The following DCDC2 variants were observed in gnomAD, a reference collection of about 807,000 sequenced individuals.
DCDC2 encodes the protein doublecortin domain containing 2.
A neutral mutation model predicts 50.2 loss-of-function variants in DCDC2; 40 were observed. That is an observed-to-expected ratio of 0.80 (90% CI 0.62 to 1.04). The LOEUF (loss-of-function observed/expected upper bound fraction) is 1.04, where lower values mean the gene tolerates loss of function less well. DCDC2 is among the 50% of genes least tolerant of loss of function. The probability of loss-of-function intolerance (pLI) is 0.00; values close to 1 mark genes in which losing one functional copy is unlikely to be tolerated. For synonymous variants in DCDC2, 234 were observed against 210.6 expected (o/e 1.11, Z -0.96); for missense variants, 570 against 581.9 (o/e 0.98, Z 0.21).
chr6:24,335,123 C>T (rs1243617684), intron 2 of DCDC2, among the ~76,000 whole-genome samples: 2 of 152,204 alleles, frequency 1.3e-5, no homozygotes, highest in Admixed American at 6.5e-5. Context: ...CTCAACCCCA[C>T]AGTCAATTAC....
intron 7 of DCDC2, chr6:24,205,401 A>G: frequency 7.4e-7 from 1 of 1,347,948 alleles, no homozygotes; most frequent in Non-Finnish European, 9.8e-7. Context: ...AGGCATTGAG[A>G]TGAGAAGAAA....
chr6:24,288,041 A>G (rs1763650900), intron 6 of DCDC2, among the ~76,000 whole-genome samples: 2 of 152,222 alleles, frequency 1.3e-5, no homozygotes, highest in Admixed American at 6.5e-5. Context: ...TTCACATGAT[A>G]TAACCAAAAA....
chr6:24,371,226 G>A, the DCDC2 span, among the ~76,000 whole-genome samples: 7 of 143,232 alleles, frequency 4.9e-5, no homozygotes, highest in Non-Finnish European at 6.0e-5. Context: ...GCAGTGAGCC[G>A]AGATCGCGCC....
chr6:24,352,951 T>C (rs1483516301), intron 2 of DCDC2, among the ~76,000 whole-genome samples: 3 of 152,202 alleles, frequency 2.0e-5, no homozygotes, highest in African/African-American at 7.2e-5. Flanking sequence ...AACTAAAGAA[T>C]ACATCCTACA....
intron 7 of DCDC2, among the ~76,000 whole-genome samples, chr6:24,212,187 T>A (rs1581589610): frequency 6.6e-6 from 1 of 152,246 alleles, no homozygotes; most frequent in East Asian, 1.9e-4. Flanking sequence ...AACAGTTTCA[T>A]CCTGGAACCA....
intron 7 of DCDC2, among the ~76,000 whole-genome samples, chr6:24,237,691 T>G (rs1448755631): frequency 4.6e-5 from 7 of 152,192 alleles, no homozygotes; most frequent in Admixed American, 1.3e-4. Context: ...AATGGTGGAT[T>G]GGGTAAAGAA....
At chr6:24,231,072 G>C (rs1050693105) in intron 7 of DCDC2, among the ~76,000 whole-genome samples, 1 of 152,208 alleles carries the variant, frequency 6.6e-6, no homozygotes, top group Non-Finnish European at 1.5e-5. Flanking sequence ...CTGCCCCATG[G>C]CCTGCCTTCC....
intron 2 of DCDC2, among the ~76,000 whole-genome samples, chr6:24,306,388 AT>A (rs1029456924): frequency 3.3e-5 from 5 of 152,172 alleles, no homozygotes; most frequent in African/African-American, 1.2e-4. Context: ...AACCAAATTT[AT>A]TTCAATATTG....
At chr6:24,203,044 AAAATGGCCATACTGCCC>A (rs1761622887) in intron 8 of DCDC2, among the ~76,000 whole-genome samples, 1 of 152,234 alleles carries the variant, frequency 6.6e-6, no homozygotes, top group African/African-American at 2.4e-5. Context: ...TGATATTGTG[AAAATGGCCATACTGCCC>A]AAAGTAAGGT....
At chr6:24,178,169 T>C (rs1760968079) in intron 9 of DCDC2, among the ~76,000 whole-genome samples, 161 bp downstream of exon 9, 1 of 152,184 alleles carries the variant, frequency 6.6e-6, no homozygotes, top group African/African-American at 2.4e-5. Flanking sequence ...ATGGTTGAAA[T>C]AACTAGTAAG....
At chr6:24,290,722 T>C (rs756569860) in intron 5 of DCDC2, among the ~76,000 whole-genome samples, 5 of 152,200 alleles carry the variant, frequency 3.3e-5, no homozygotes, top group Non-Finnish European at 7.3e-5. Context: ...TAGTCTTTCA[T>C]AACTTCCCAG....
the DCDC2 span, among the ~76,000 whole-genome samples, chr6:24,373,901 G>A: frequency 3.3e-5 from 5 of 152,046 alleles, no homozygotes; most frequent in South Asian, 4.1e-4. Context: ...GGTGGCTCAC[G>A]CCTGTAATCC....
chr6:24,301,818 G>A lies in DCDC2; in HGVS notation c.454C>T (p.Pro152Ser). The change falls in exon 4 of 10, where the codon CCA becomes TCA. Residue 152 changes from proline (P) to serine (S), a missense_variant. By Grantham distance (74) the Pro-to-Ser change is moderately conservative. Transcript: ENST00000378454. ...FLIANGDLINPASRLLIPRKT... is the reference protein window; with the variant it reads ...FLIANGDLINSASRLLIPRKT... Reference sequence around the variant, plus strand: ...CTGGGGATAAGGAGGCGAGAAGCTGGGTTTATGAGGTCTCCATTTGCAATC... The same window carrying A: ...CTGGGGATAAGGAGGCGAGAAGCTGAGTTTATGAGGTCTCCATTTGCAATC... 6.2e-7 allele frequency: 1 copy of A among 1,614,110 alleles called. No individual in the cohort carries two copies. The highest frequency in any genetic ancestry group is 8.5e-7 in the Non-Finnish European group (1 of 1,180,012).
At chr6:24,246,162 A>T (rs1238320997) in intron 7 of DCDC2, among the ~76,000 whole-genome samples, 1 of 152,162 alleles carries the variant, frequency 6.6e-6, no homozygotes, top group African/African-American at 2.4e-5. Flanking sequence ...AAAAGGCAAC[A>T]GACAAAAGAG....
the DCDC2 span, among the ~76,000 whole-genome samples, chr6:24,379,163 A>T: frequency 5.5e-4 from 84 of 152,222 alleles, 1 homozygote; most frequent in African/African-American, 2.0e-3. Flanking sequence ...AAAAAACCAA[A>T]AGCAATGGCA....
intron 2 of DCDC2, among the ~76,000 whole-genome samples, chr6:24,310,007 G>C (rs914840533): frequency 6.6e-6 from 1 of 151,966 alleles, no homozygotes; most frequent in African/African-American, 2.4e-5. Context: ...CAAGATATGG[G>C]TAGGTTAAAA....
chr6:24,304,443 A>G (rs769712946), intron 2 of DCDC2, among the ~76,000 whole-genome samples: 1 of 152,224 alleles, frequency 6.6e-6, no homozygotes, highest in Non-Finnish European at 1.5e-5. Context: ...AGATGGCACC[A>G]TTGCACTCCA....
At position 24,174,628 on chromosome 6, in the gene DCDC2, C is replaced by G. The variant is rs1760860068; in HGVS notation, c.*102G>C. On this transcript the variant is annotated 3_prime_UTR_variant, in exon 10 of 10. Transcript: ENST00000378454. ...TTATAATTCGTAGGTAGTATTCGAC[C>G]ATAGTGTCACATTATATTCAGCAAT... The G allele has an allele frequency of 1.3e-6, 1 of 754,842 alleles. No homozygotes were observed. The highest frequency in any genetic ancestry group is 2.5e-5 in the East Asian group (1 of 39,412). The allele number at this position is 754,842 out of a possible 1,614,324, so 46.8% of individuals were successfully genotyped here. A position where few individuals can be genotyped will look rare whatever the true frequency, so the allele number is the denominator to read the frequency against.
At chr6:24,337,334 A>C in intron 2 of DCDC2, among the ~76,000 whole-genome samples, 1 of 152,184 alleles carries the variant, frequency 6.6e-6, no homozygotes, top group East Asian at 1.9e-4. Flanking sequence ...GAGCCTTTTT[A>C]TAAGCAGATA....
Sources: allele counts gnomAD v4.1 joint callset (sites outside exome capture counted in the v4.1 genomes callset), GRCh38; gene constraint gnomAD v4.1.1; transcripts MANE v1.5; gene names NCBI Gene and HGNC (gene_info 2026-07-23, HGNC 2026-07-21).